Variants in PLCH1 observed in about 807,000 individuals in gnomAD.
PLCH1 encodes the protein phospholipase C eta 1.
A neutral mutation model predicts 126.7 loss-of-function variants in PLCH1; 60 were observed. The ratio of observed to expected loss-of-function variants is 0.47; its 90% CI spans 0.38 to 0.59. The LOEUF (loss-of-function observed/expected upper bound fraction) is 0.59. Among genes scored for constraint, PLCH1 ranks in the 20% least tolerant of loss-of-function variants. PLCH1 has a pLI of 0.00. For synonymous variants in PLCH1, 719 were observed against 734.9 expected (o/e 0.98, Z 0.35); for missense variants, 1,723 against 2,040.0 (o/e 0.84, Z 2.99).
chr3:155,656,873 G>GT (rs1741440474), intron 2 of PLCH1, among the ~76,000 whole-genome samples: 2 of 152,082 alleles, frequency 1.3e-5, no homozygotes, highest in South Asian at 4.2e-4. Flanking sequence ...TTTAGGTTAT[G>GT]TAACCATATA....
intron 2 of PLCH1, among the ~76,000 whole-genome samples, chr3:155,664,200 T>C (rs1742482547): frequency 6.6e-6 from 1 of 152,236 alleles, no homozygotes; most frequent in Non-Finnish European, 1.5e-5. Context: ...CCTGATTATC[T>C]TGGCTAGTTC....
chr3:155,569,729 C>T lies in PLCH1; in HGVS notation c.772-1405G>A, dbSNP rs73874843. On this transcript the variant is annotated intron_variant, in intron 6 of 22. Transcript: ENST00000460012. ...CCAAATTGATAACAATTTTACATGC[C>T]GTGTGAAGACTAAGTTCACTTTGCA... is the stretch of plus-strand genomic sequence containing the variant. 6.8e-3 allele frequency among the ~76,000 whole-genome samples: 1,038 copies of T among 152,166 alleles called. 12 individuals carry two copies. Among genetic ancestry groups the T allele is most frequent in the African/African-American group, 0.024 (978 of 41,534 alleles).
chr3:155,680,444 T>A (rs889624562), intron 2 of PLCH1, among the ~76,000 whole-genome samples: 1 of 152,036 alleles, frequency 6.6e-6, no homozygotes. Context: ...ACAGTTTTCA[T>A]CACAAAATGG....
chr3:155,592,180 A>G (rs1168540448), intron 4 of PLCH1, among the ~76,000 whole-genome samples: 1 of 150,140 alleles, frequency 6.7e-6, no homozygotes, highest in Admixed American at 6.6e-5. Flanking sequence ...CTTTTAAAAA[A>G]AAAAAAAAAA....
At chr3:155,543,092 G>C (rs1724612593) in intron 10 of PLCH1, among the ~76,000 whole-genome samples, 1 of 152,184 alleles carries the variant, frequency 6.6e-6, no homozygotes, top group Non-Finnish European at 1.5e-5. Context: ...ACTACTCCAA[G>C]CTACAGGAGG....
chr3:155,518,716 G>A (rs181234427), intron 11 of PLCH1, among the ~76,000 whole-genome samples: 1 of 152,066 alleles, frequency 6.6e-6, no homozygotes, highest in Non-Finnish European at 1.5e-5. Flanking sequence ...CCAAAGGAGT[G>A]TGCATTTGCT....
intron 2 of PLCH1, among the ~76,000 whole-genome samples, chr3:155,626,911 C>G (rs1458621316): frequency 6.6e-6 from 1 of 151,382 alleles, no homozygotes; most frequent in African/African-American, 2.4e-5. Context: ...GGTTTAATAT[C>G]CCATTACATA....
intron 2 of PLCH1, among the ~76,000 whole-genome samples, chr3:155,654,213 T>G (rs550794301): frequency 1.1e-4 from 17 of 151,878 alleles, no homozygotes; most frequent in Non-Finnish European, 1.8e-4. Context: ...GTGTTTCTCA[T>G]GTCATATTGG....
intron 3 of PLCH1, 88 bp from the exon 4 acceptor site, chr3:155,594,272 T>C (rs908383551): frequency 3.2e-6 from 4 of 1,260,958 alleles, no homozygotes; most frequent in Non-Finnish European, 4.5e-6. Context: ...CAAAATCATT[T>C]TAAATATTAA....
At chr3:155,540,892 C>G (rs1724138424) in intron 10 of PLCH1, among the ~76,000 whole-genome samples, 1 of 152,154 alleles carries the variant, frequency 6.6e-6, no homozygotes, top group Non-Finnish European at 1.5e-5. Context: ...TCCTGCATCT[C>G]TACCAAGAGG....
At chr3:155,557,273 A>G (rs961191332) in intron 8 of PLCH1, among the ~76,000 whole-genome samples, 2 of 152,242 alleles carry the variant, frequency 1.3e-5, no homozygotes, top group Non-Finnish European at 2.9e-5. Flanking sequence ...TAATTTTAAC[A>G]ATTTTTACCC....
chr3:155,556,859 C>T (rs1180127390), intron 8 of PLCH1, among the ~76,000 whole-genome samples: 2 of 152,210 alleles, frequency 1.3e-5, no homozygotes, highest in East Asian at 3.9e-4. Flanking sequence ...AATCAGACAA[C>T]GAATCTCAAT....
intron 21 of PLCH1, chr3:155,486,086 T>G (rs950903851): frequency 1.6e-5 from 16 of 1,021,478 alleles, no homozygotes; most frequent in Non-Finnish European, 2.3e-5. Flanking sequence ...AAAAGCATGC[T>G]GCCATAACCA....
chr3:155,551,005 C>G (rs73013286), intron 9 of PLCH1, among the ~76,000 whole-genome samples: 3,426 of 152,180 alleles, frequency 0.023, 99 homozygotes, highest in African/African-American at 0.066. Context: ...AATCTGTTTG[C>G]TATTCATTTC....
intron 2 of PLCH1, among the ~76,000 whole-genome samples, chr3:155,607,588 A>AG (rs1267553841): frequency 6.6e-6 from 1 of 151,972 alleles, no homozygotes; most frequent in African/African-American, 2.4e-5. Flanking sequence ...GTAGAGGTGC[A>AG]TGCCACCACA....
chr3:155,686,642 G>C (rs567771710), intron 2 of PLCH1, among the ~76,000 whole-genome samples: 3 of 152,244 alleles, frequency 2.0e-5, no homozygotes, highest in South Asian at 2.1e-4. Context: ...ACCTTTCCCA[G>C]CCTCAGCATC....
chr3:155,529,895 TA>T, intron 10 of PLCH1, among the ~76,000 whole-genome samples: 1 of 152,244 alleles, frequency 6.6e-6, no homozygotes, highest in African/African-American at 2.4e-5. Context: ...GCCTCCCAAG[TA>T]GCTGGGATTA....
intron 2 of PLCH1, among the ~76,000 whole-genome samples, chr3:155,693,084 C>T (rs540443878): frequency 3.5e-4 from 53 of 152,130 alleles, no homozygotes; most frequent in Admixed American, 7.2e-4. Flanking sequence ...TAATCATCAG[C>T]ATTTTTTAAA....
rs114169460 is a variant in PLCH1, at chr3:155,565,844, C to T, written c.866-726G>A. 8.6e-3 allele frequency among the ~76,000 whole-genome samples: 1,296 copies of T among 151,432 alleles called. 13 individuals carry two copies. The highest frequency in any genetic ancestry group is 0.03 in the African/African-American group (1,237 of 41,326). ...CTGAGTAGCTGGGACTACAGGCATG[C>T]GCCACTGCGTGTAGCTAATTTTTTT... On this transcript the variant is annotated intron_variant, in intron 7 of 22. Coordinates refer to ENST00000460012, the MANE Select transcript of PLCH1 (RefSeq NM_014996.4).
Sources: gnomAD v4.1 joint callset for allele counts (sites outside exome capture counted in the v4.1 genomes callset) on GRCh38, gnomAD v4.1.1 for gene constraint, MANE v1.5 for transcripts, NCBI Gene and HGNC (gene_info 2026-07-23, HGNC 2026-07-21) for gene names.